Variants in FRMD4A observed in about 807,000 individuals in gnomAD.
FRMD4A encodes the protein FERM domain-containing protein 4A.
A neutral mutation model predicts 129.1 loss-of-function variants in FRMD4A; 29 were observed. The observed-to-expected ratio is 0.22, with a 90% confidence interval of 0.17 to 0.31. The LOEUF (loss-of-function observed/expected upper bound fraction) is 0.31, where lower values mean the gene tolerates loss of function less well. FRMD4A is among the 10% of genes least tolerant of loss of function. The probability of loss-of-function intolerance (pLI) is 1.00; values close to 1 mark genes in which losing one functional copy is unlikely to be tolerated. For missense variants in FRMD4A, 1,272 were observed against 1,375.8 expected (o/e 0.92, Z 1.19); for synonymous variants, 634 against 571.6 (o/e 1.11, Z -1.56).
intron 2 of FRMD4A, among the ~76,000 whole-genome samples, chr10:14,104,965 G>A (rs1352369665): frequency 6.6e-6 from 1 of 152,194 alleles, no homozygotes; most frequent in Non-Finnish European, 1.5e-5. Context: ...AATGAACTCA[G>A]TTACACCAAG....
Position 13,651,663 on chromosome 10 carries a change from ACT to A in FRMD4A, c.*2+238_*2+239del, listed in dbSNP as rs1356564902. ...ACTCCAGCCTGGGCAACAGAACAAG[ACT>A]CTGTCTCAAAACAAAACATACTCTG... On this transcript the variant is annotated intron_variant, in intron 24 of 24. Transcript: ENST00000357447. The A allele has an allele frequency of 4.7e-5, 24 of 514,802 alleles. 1 individual carries two copies. In the Middle Eastern group the frequency reaches 3.1e-3, roughly 66 times the overall value. 31.9% of individuals were successfully genotyped at this position (514,802 alleles called of 1,614,324 possible).
chr10:14,095,192 T>C (rs535606115), intron 2 of FRMD4A, among the ~76,000 whole-genome samples: 32 of 152,266 alleles, frequency 2.1e-4, no homozygotes, highest in African/African-American at 7.0e-4. Flanking sequence ...AATAAAACTC[T>C]AAGATTTATT....
At chr10:13,725,277 T>A (rs2089803500) in intron 12 of FRMD4A, among the ~76,000 whole-genome samples, 1 of 152,156 alleles carries the variant, frequency 6.6e-6, no homozygotes, top group African/African-American at 2.4e-5. Flanking sequence ...CGGCAAATAA[T>A]GGCAGGGGGC....
At chr10:13,888,915 T>A (rs2094659690) in intron 2 of FRMD4A, among the ~76,000 whole-genome samples, 1 of 152,240 alleles carries the variant, frequency 6.6e-6, no homozygotes, top group Non-Finnish European at 1.5e-5. Flanking sequence ...TGCAAAAATA[T>A]CTAAGAACAA....
At chr10:13,865,395 A>ATTTGT (rs1411407070) in intron 2 of FRMD4A, among the ~76,000 whole-genome samples, 14 of 128,882 alleles carry the variant, frequency 1.1e-4, no homozygotes, top group African/African-American at 3.4e-4. Context: ...ACTTTATTTT[A>ATTTGT]TTTATTTTAT....
intron 2 of FRMD4A, among the ~76,000 whole-genome samples, chr10:14,194,484 A>G (rs534012796): frequency 9.3e-4 from 142 of 152,254 alleles, no homozygotes; most frequent in Non-Finnish European, 1.6e-3. Flanking sequence ...GGTGGCAGGC[A>G]CCTATAGTCC....
chr10:14,138,621 G>A (rs576498840), intron 2 of FRMD4A, among the ~76,000 whole-genome samples: 18 of 152,118 alleles, frequency 1.2e-4, no homozygotes, highest in East Asian at 3.9e-4. Context: ...TAGCCAGGCC[G>A]TGGTGGTGCG....
At chr10:13,889,339 C>T (rs1416719018) in intron 2 of FRMD4A, among the ~76,000 whole-genome samples, 1 of 152,218 alleles carries the variant, frequency 6.6e-6, no homozygotes, top group Non-Finnish European at 1.5e-5. Flanking sequence ...AGAGCTCTCT[C>T]CCCAAGTTCC....
At chr10:13,780,884 C>CCT (rs1195893843) in intron 6 of FRMD4A, among the ~76,000 whole-genome samples, 1 of 152,194 alleles carries the variant, frequency 6.6e-6, no homozygotes, top group Non-Finnish European at 1.5e-5. Context: ...GATATTTAGA[C>CCT]ATCCATGTTC....
intron 2 of FRMD4A, among the ~76,000 whole-genome samples, chr10:13,966,531 A>G (rs2095486215): frequency 6.6e-6 from 1 of 152,216 alleles, no homozygotes; most frequent in South Asian, 2.1e-4. Flanking sequence ...CGTTGAGAAG[A>G]GACTGGAGAT....
Position 13,682,759 on chromosome 10 carries a change from C to T in FRMD4A, c.1118-7715G>A, listed in dbSNP as rs147790152. Among the ~76,000 whole-genome samples the T allele has an allele frequency of 6.7e-3, 1,013 of 152,232 alleles. 8 individuals carry two copies. The highest frequency in any genetic ancestry group is 0.021 in the African/African-American group (853 of 41,540). ...TCCTGACCCTGTGATCCACCTGCCT[C>T]GGCCTCCCAAAGTGCTGGGATTACA... On this transcript the variant is annotated intron_variant, in intron 15 of 24. Transcript: ENST00000357447.
intron 2 of FRMD4A, among the ~76,000 whole-genome samples, chr10:14,268,089 A>G (rs1230868960): frequency 6.6e-6 from 1 of 152,220 alleles, no homozygotes; most frequent in Non-Finnish European, 1.5e-5. Context: ...GAACATGATC[A>G]AAAGAGTGTC....
At chr10:13,714,027 C>CATATATATAAAATATATATTAT (rs1554858885) in intron 12 of FRMD4A, among the ~76,000 whole-genome samples, 1 of 31,170 alleles carries the variant, frequency 3.2e-5, no homozygotes, top group Non-Finnish European at 5.1e-5. Context: ...ATAAAATATA[C>CATATATATAAAATATATATTAT]ATATATATAT....
chr10:14,095,958 T>C (rs1836935313), intron 2 of FRMD4A, among the ~76,000 whole-genome samples: 1 of 152,174 alleles, frequency 6.6e-6, no homozygotes, highest in Non-Finnish European at 1.5e-5. Flanking sequence ...AATGCTACAG[T>C]AATGCTCTGA....
chr10:14,131,722 G>A (rs560380722), intron 2 of FRMD4A, among the ~76,000 whole-genome samples: 2 of 152,182 alleles, frequency 1.3e-5, no homozygotes, highest in South Asian at 2.1e-4. Context: ...ACCACGCCAC[G>A]AGATGAATAA....
intron 2 of FRMD4A, among the ~76,000 whole-genome samples, chr10:14,072,333 A>G (rs1042770511): frequency 6.6e-6 from 1 of 152,228 alleles, no homozygotes; most frequent in Non-Finnish European, 1.5e-5. Context: ...CCAAGTGAAG[A>G]TATTAAGAAG....
chr10:13,701,370 G>A lies in FRMD4A; in HGVS notation c.945C>T (p.His315=), dbSNP rs768142506. ...KSIWAMAISQ[H]QFYLDRKQSK... ...TCTGCTTTCTGTCCAGATAGAACTG[G>A]TGTTGGCTTATGGCCATAGCCCAGA... Residue 315 remains histidine (H), a synonymous_variant, in exon 14 of 25, where the codon CAC becomes CAT. Transcript: ENST00000357447. The A allele has an allele frequency of 6.2e-7, 1 of 1,614,044 alleles. No homozygotes were observed. The highest frequency in any genetic ancestry group is 8.5e-7 in the Non-Finnish European group (1 of 1,179,894).
At chr10:14,216,523 T>A (rs1350461985) in intron 2 of FRMD4A, among the ~76,000 whole-genome samples, 2 of 152,132 alleles carry the variant, frequency 1.3e-5, no homozygotes, top group Admixed American at 6.6e-5. Flanking sequence ...AAGAAAATTT[T>A]AAAAATGTTC....
At chr10:14,223,395 A>C (rs1246871218) in intron 2 of FRMD4A, among the ~76,000 whole-genome samples, 1 of 152,098 alleles carries the variant, frequency 6.6e-6, no homozygotes, top group Non-Finnish European at 1.5e-5. Flanking sequence ...AAGGCAACAG[A>C]CTACACTGCC....
Sources: gnomAD v4.1 joint callset for allele counts (sites outside exome capture counted in the v4.1 genomes callset) on GRCh38, gnomAD v4.1.1 for gene constraint, MANE v1.5 for transcripts, NCBI Gene and HGNC (gene_info 2026-07-23, HGNC 2026-07-21) for gene names.